TNS1: variants seen among roughly 807,000 people sequenced by gnomAD.
TNS1 encodes tensin-1.
A neutral mutation model predicts 168.6 loss-of-function variants in TNS1; 62 were observed. The observed-to-expected ratio is 0.37, with a 90% CI of 0.30 to 0.45. TNS1 has a LOEUF of 0.45. TNS1 is among the 20% of genes least tolerant of loss of function. The pLI is 1.00. For missense variants in TNS1, 2,240 were observed against 2,339.4 expected (o/e 0.96, Z 0.88); for synonymous variants, 934 against 933.2 (o/e 1.00, Z -0.02).
upstream of TNS1, among the ~76,000 whole-genome samples, chr2:218,005,718 A>T (rs539860359): frequency 6.6e-6 from 1 of 152,308 alleles, no homozygotes; most frequent in Non-Finnish European, 1.5e-5. Context: ...TCAATCACTC[A>T]ATCAATTAGT....
upstream of TNS1, among the ~76,000 whole-genome samples, chr2:218,013,695 T>C (rs908348827): frequency 6.6e-6 from 1 of 152,064 alleles, no homozygotes; most frequent in African/African-American, 2.4e-5. Context: ...CCCCTGCTTA[T>C]CCTCCCTCCC....
rs1275692939 is a variant in TNS1 at position 217,984,563 on chromosome 2, C to G, written c.149-5761G>C. The stretch of plus-strand genomic sequence containing the variant: ...AGTGCAGTCGTGTGCTCATAGCTCA[C>G]TGCAGCCTCGACCTCCCCAGGCTCA... On this transcript the variant is annotated intron_variant, in intron 2 of 32. Transcript: ENST00000682258. Among the ~76,000 whole-genome samples the G allele has an allele frequency of 2.6e-5, 4 of 152,264 alleles. No homozygotes were observed. The East Asian group carries it at 7.7e-4, about 29-fold the overall frequency.
At chr2:217,873,482 TG>T (rs1949949897) in intron 18 of TNS1, among the ~76,000 whole-genome samples, 1 of 151,322 alleles carries the variant, frequency 6.6e-6, no homozygotes, top group African/African-American at 2.4e-5. Flanking sequence ...GGAACAGGGG[TG>T]GGGGCGCACT....
chr2:217,815,129 A>T, intron 24 of TNS1, 131 bp from the exon 25 acceptor site: 1 of 696,442 alleles, frequency 1.4e-6, no homozygotes, highest in Non-Finnish European at 2.5e-6. Flanking sequence ...GATGTAGACA[A>T]ATTAAGATGA....
intron 18 of TNS1, among the ~76,000 whole-genome samples, chr2:217,875,081 T>A (rs1281148509): frequency 6.6e-6 from 1 of 152,212 alleles, no homozygotes; most frequent in Non-Finnish European, 1.5e-5. Context: ...ACATGTGAGT[T>A]CTAGGCAGGA....
chr2:217,927,905 A>G (rs1956117274), intron 3 of TNS1, among the ~76,000 whole-genome samples: 1 of 152,216 alleles, frequency 6.6e-6, no homozygotes, highest in Non-Finnish European at 1.5e-5. Flanking sequence ...GAAAAAATCC[A>G]GACAATAATC....
chr2:217,951,822 CA>C (rs1957250311), intron 3 of TNS1, among the ~76,000 whole-genome samples: 1 of 152,248 alleles, frequency 6.6e-6, no homozygotes, highest in Non-Finnish European at 1.5e-5. Flanking sequence ...GGTAGCTTCA[CA>C]GGCTAGACGT....
At position 217,920,195 on chromosome 2, in the gene TNS1, C is replaced by G; in HGVS notation, c.228G>C (p.Val76=). 1 of 703,046 alleles carries G rather than the reference C, an allele frequency of 1.4e-6. No individual in the cohort carries two copies. Among genetic ancestry groups the G allele is most frequent in the East Asian group, 2.7e-5 (1 of 37,282 alleles). 43.6% of individuals were successfully genotyped at this position (703,046 alleles called of 1,614,324 possible). ...AGGGCAAGGAAGGGCTGTCACTCAC[C>G]ACCAGCTCATGGTTGGATGGAGGAA... ...PCVPPSNHEL[V]PITTENAPKN... Residue 76 remains valine, a splice_region_variant and synonymous_variant, in exon 4 of 33, where the codon GTG becomes GTC. Transcript: ENST00000682258.
At chr2:217,859,697 C>T (rs754482822) in intron 18 of TNS1, 3 of 1,535,740 alleles carry the variant, frequency 2.0e-6, no homozygotes, top group South Asian at 1.2e-5. Context: ...TCTGTTTGTT[C>T]CCATCTGTGG....
chr2:217,957,151 CG>C (rs1384320989), intron 3 of TNS1, among the ~76,000 whole-genome samples: 1 of 152,212 alleles, frequency 6.6e-6, no homozygotes, highest in Non-Finnish European at 1.5e-5. Flanking sequence ...GCCCCCACCC[CG>C]GTAAGGCAGC....
At chr2:217,915,254 T>G (rs982284307) in intron 4 of TNS1, among the ~76,000 whole-genome samples, 3 of 152,202 alleles carry the variant, frequency 2.0e-5, no homozygotes, top group Admixed American at 6.5e-5. Flanking sequence ...CCAGTTAACG[T>G]CACATCCTTC....
intron 1 of TNS1, among the ~76,000 whole-genome samples, chr2:218,019,758 CT>C (rs1185210656): frequency 3.3e-5 from 5 of 152,318 alleles, no homozygotes; most frequent in African/African-American, 1.2e-4. Context: ...ACTCCAGTGC[CT>C]CCCCAGTGTG....
At chr2:217,865,946 T>TGGTC (rs1304884846) in intron 18 of TNS1, among the ~76,000 whole-genome samples, 2 of 152,176 alleles carry the variant, frequency 1.3e-5, no homozygotes, top group Non-Finnish European at 2.9e-5. Flanking sequence ...CCACAAGCCA[T>TGGTC]GGTCACTCAT....
At position 217,800,500 on chromosome 2, in the gene TNS1, C is replaced by G. The variant is rs1256165126; in HGVS notation, c.*3959G>C. ...GTTCCATTGCCCAGCACCTCCAACCCCGACTCCCAAGTTCCCTAAAGAAAT... is the reference window on the plus strand; with the variant it reads ...GTTCCATTGCCCAGCACCTCCAACCGCGACTCCCAAGTTCCCTAAAGAAAT... On this transcript the variant is annotated 3_prime_UTR_variant, in exon 33 of 33. Transcript: ENST00000682258. 6.6e-6 allele frequency: 1 copy of G among 152,318 alleles called. No homozygotes were observed. Among genetic ancestry groups the G allele is most frequent in the East Asian group, 1.9e-4 (1 of 5,194 alleles). The allele number at this position is 152,318 out of a possible 1,614,324, so 9.4% of individuals were successfully genotyped here.
chr2:217,802,285 CT>C lies in TNS1; in HGVS notation c.*2173del, dbSNP rs1208522445. ...TGGTCACCAGGCACAAGGTTTCACT[CT>C]GGGAAGCAGGGGGTGGCCAGTGGGG... On this transcript the variant is annotated 3_prime_UTR_variant, in exon 33 of 33. Coordinates refer to ENST00000682258, the MANE Select transcript of TNS1 (RefSeq NM_001387777.1). The C allele has an allele frequency of 3.9e-5, 6 of 152,228 alleles. No individual in the cohort carries two copies. Among genetic ancestry groups the C allele is most frequent in the Non-Finnish European group, 7.3e-5 (5 of 68,036 alleles). 9.4% of individuals were successfully genotyped at this position (152,228 alleles called of 1,614,324 possible). A position where few individuals can be genotyped will look rare whatever the true frequency, so the allele number is the denominator to read the frequency against.
chr2:217,871,791 G>A (rs919302383), intron 18 of TNS1, among the ~76,000 whole-genome samples: 2 of 152,236 alleles, frequency 1.3e-5, no homozygotes, highest in Admixed American at 6.5e-5. Flanking sequence ...ACACAGGCCC[G>A]GGGCTGGCTG....
chr2:218,003,397 C>T (rs746424498), upstream of TNS1, among the ~76,000 whole-genome samples: 7 of 152,114 alleles, frequency 4.6e-5, no homozygotes, highest in Non-Finnish European at 1.0e-4. Flanking sequence ...ACAATCAGCA[C>T]ACTCAGGGTG....
At chr2:217,930,610 G>A (rs571813304) in intron 3 of TNS1, among the ~76,000 whole-genome samples, 2 of 152,314 alleles carry the variant, frequency 1.3e-5, no homozygotes, top group African/African-American at 4.8e-5. Flanking sequence ...CGAGAGTCCA[G>A]CCTGGAAGAG....
At chr2:218,017,675 C>T (rs190143433) in intron 1 of TNS1, among the ~76,000 whole-genome samples, 1 of 152,388 alleles carries the variant, frequency 6.6e-6, no homozygotes, top group East Asian at 1.9e-4. Context: ...TTTTTCTATG[C>T]TGAGCCTGCT....
Sources: gnomAD v4.1 joint callset for allele counts (sites outside exome capture counted in the v4.1 genomes callset) on GRCh38, gnomAD v4.1.1 for gene constraint, MANE v1.5 for transcripts, NCBI Gene and HGNC (gene_info 2026-07-23, HGNC 2026-07-21) for gene names.